Variants in MICU1 observed in about 807,000 individuals in gnomAD.
MICU1 encodes mitochondrial calcium uptake 1.
Under a neutral mutation model 56.8 loss-of-function variants are expected in MICU1, and 45 were observed. The observed-to-expected ratio is 0.79, with a 90% CI of 0.62 to 1.02. The LOEUF is 1.02. Ranked by LOEUF, MICU1 falls within the 50% of genes least tolerant of loss-of-function variation. The probability of loss-of-function intolerance (pLI) is 0.00; values close to 1 mark genes in which losing one functional copy is unlikely to be tolerated. For synonymous variants in MICU1, 186 were observed against 195.1 expected (o/e 0.95, Z 0.39); for missense variants, 504 against 587.1 (o/e 0.86, Z 1.46).
chr10:72,455,190 T>C (rs147427636), intron 8 of MICU1, among the ~76,000 whole-genome samples: 189 of 151,154 alleles, frequency 1.3e-3, no homozygotes, highest in Admixed American at 3.4e-3. Context: ...TTTCTACTGA[T>C]AAAGTACAAA....
rs1399179048 is a variant in MICU1, at chr10:72,375,844, C to T, written c.1209G>A (p.Val403=). Residue 403 remains valine (V), a synonymous_variant, in exon 11 of 12, where the codon GTG becomes GTA. Coordinates refer to ENST00000361114, the MANE Select transcript of MICU1 (RefSeq NM_001195518.2). The part of the protein sequence containing the change: ...KVTMQQVART[V]AKVELSDHVC... ...CGTGGTCTGAGAGCTCCACTTTAGC[C>T]ACTGTCCTGGCCACCTGCTGCATGG... The T allele has an allele frequency of 1.2e-6, 2 of 1,613,342 alleles. No homozygotes were observed. The highest frequency in any genetic ancestry group is 1.7e-5 in the Admixed American group (1 of 59,950).
At chr10:72,614,952 GACC>G (rs1399101806) in intron 1 of MICU1, among the ~76,000 whole-genome samples, 1 of 152,164 alleles carries the variant, frequency 6.6e-6, no homozygotes, top group Non-Finnish European at 1.5e-5. Flanking sequence ...TGACGATTTT[GACC>G]ACTTTTAAGC....
At chr10:72,441,489 G>A (rs567199827) in intron 8 of MICU1, among the ~76,000 whole-genome samples, 1 of 148,996 alleles carries the variant, frequency 6.7e-6, no homozygotes, top group Non-Finnish European at 1.5e-5. Flanking sequence ...AACCAACATG[G>A]CACATGTATA....
chr10:72,608,006 A>C (rs1841738956), intron 1 of MICU1, among the ~76,000 whole-genome samples: 2 of 152,156 alleles, frequency 1.3e-5, no homozygotes, highest in Admixed American at 6.6e-5. Flanking sequence ...AGTGAGAGTA[A>C]AGAGAGGAAG....
chr10:72,474,022 C>G (rs977374955), intron 8 of MICU1, among the ~76,000 whole-genome samples: 1 of 151,644 alleles, frequency 6.6e-6, no homozygotes, highest in Admixed American at 6.6e-5. Flanking sequence ...TATGGGAGGC[C>G]GAGGCAGGAG....
intron 1 of MICU1, among the ~76,000 whole-genome samples, chr10:72,619,100 A>AC (rs1039831339): frequency 2.0e-5 from 3 of 152,266 alleles, no homozygotes; most frequent in African/African-American, 7.2e-5. Context: ...GTTACAAAGT[A>AC]CAGACTTACT....
At chr10:72,381,293 A>G (rs76394566) in intron 10 of MICU1, among the ~76,000 whole-genome samples, 1,562 of 152,240 alleles carry the variant, frequency 0.01, 27 homozygotes, top group African/African-American at 0.036. Flanking sequence ...GCCAAGGTTA[A>G]GTGAGGGGAG....
chr10:72,520,501 G>A (rs1217327231), intron 5 of MICU1, among the ~76,000 whole-genome samples: 7 of 152,042 alleles, frequency 4.6e-5, no homozygotes, highest in Non-Finnish European at 1.0e-4. Flanking sequence ...CTTTTCAAAG[G>A]TAATATCGCA....
chr10:72,600,836 G>A (rs1346114992), intron 1 of MICU1, among the ~76,000 whole-genome samples: 1 of 152,150 alleles, frequency 6.6e-6, no homozygotes, highest in African/African-American at 2.4e-5. Flanking sequence ...ACTATCTGCT[G>A]TTTCAGGCAT....
intron 4 of MICU1, among the ~76,000 whole-genome samples, chr10:72,540,648 T>C (rs1409860552): frequency 6.6e-6 from 1 of 152,190 alleles, no homozygotes; most frequent in East Asian, 1.9e-4. Flanking sequence ...CATTCTAGCC[T>C]GGGCAACAGA....
At chr10:72,408,928 C>T (rs183744297) in intron 9 of MICU1, among the ~76,000 whole-genome samples, 4 of 152,270 alleles carry the variant, frequency 2.6e-5, no homozygotes, top group African/African-American at 9.6e-5. Flanking sequence ...TAATGAAATT[C>T]TGTGAATGAA....
intron 3 of MICU1, among the ~76,000 whole-genome samples, chr10:72,556,804 G>A (rs1287422104): frequency 2.6e-5 from 4 of 151,964 alleles, no homozygotes; most frequent in East Asian, 1.9e-4. Flanking sequence ...GGTAGCTCTC[G>A]CCTGTAATCC....
At chr10:72,544,789 T>C (rs1236849118) in intron 4 of MICU1, among the ~76,000 whole-genome samples, 6 of 152,238 alleles carry the variant, frequency 3.9e-5, no homozygotes, top group African/African-American at 1.2e-4. Context: ...TTCCTTTTAA[T>C]GTCTGTCCTA....
intron 3 of MICU1, among the ~76,000 whole-genome samples, chr10:72,562,446 G>A (rs1283534711): frequency 6.6e-6 from 1 of 152,098 alleles, no homozygotes; most frequent in Non-Finnish European, 1.5e-5. Context: ...GAGCCACCAT[G>A]CGGGGCCTAA....
chr10:72,416,573 A>G (rs946239166), intron 9 of MICU1, among the ~76,000 whole-genome samples: 10 of 152,228 alleles, frequency 6.6e-5, no homozygotes, highest in Non-Finnish European at 1.5e-4. Context: ...GAACTGTTTG[A>G]TAAGTACTAA....
At chr10:72,549,382 G>A (rs1839976762) in intron 4 of MICU1, among the ~76,000 whole-genome samples, 2 of 151,450 alleles carry the variant, frequency 1.3e-5, no homozygotes, top group Admixed American at 6.6e-5. Context: ...GTAGAGATGG[G>A]GTTTCGCCAT....
intron 5 of MICU1, among the ~76,000 whole-genome samples, chr10:72,517,722 A>G (rs933405796): frequency 3.9e-5 from 6 of 152,088 alleles, no homozygotes; most frequent in Non-Finnish European, 5.9e-5. Flanking sequence ...AATCACCACT[A>G]AAGAACTTAC....
At chr10:72,610,876 T>C (rs1435862063) in intron 1 of MICU1, among the ~76,000 whole-genome samples, 2 of 152,136 alleles carry the variant, frequency 1.3e-5, no homozygotes, top group African/African-American at 4.8e-5. Context: ...GATACATTAC[T>C]TTACCTTGTA....
chr10:72,407,889 T>C, intron 10 of MICU1, 40 bp downstream of exon 10: 1 of 1,370,440 alleles, frequency 7.3e-7, no homozygotes, highest in South Asian at 1.2e-5. Context: ...ACAGATCCAA[T>C]GTTCATACCT....
Sources: allele counts gnomAD v4.1 joint callset (sites outside exome capture counted in the v4.1 genomes callset), GRCh38; gene constraint gnomAD v4.1.1; transcripts MANE v1.5; gene names NCBI Gene and HGNC (gene_info 2026-07-23, HGNC 2026-07-21).